The following ABCA7 variants were observed in gnomAD, a reference collection of about 807,000 sequenced individuals.
The protein encoded by ABCA7 is phospholipid-transporting ATPase ABCA7.
In ABCA7, 261 loss-of-function variants were observed where a neutral mutation model predicts 227.6. The ratio of observed to expected loss-of-function variants is 1.15; its 90% confidence interval spans 1.04 to 1.27. ABCA7 has a LOEUF of 1.27. Ranked by LOEUF, ABCA7 falls within the 50% of genes most tolerant of loss-of-function variation. The pLI, the probability that ABCA7 is intolerant of heterozygous loss-of-function variation, is 0.00. For synonymous variants in ABCA7, 1,488 were observed against 1,279.7 expected (o/e 1.16, Z -3.47); for missense variants, 3,331 against 2,924.5 (o/e 1.14, Z -3.21).
chr19:1,057,143 GC>G, intron 34 of ABCA7, 59 bp downstream of exon 34: 4 of 1,576,130 alleles, frequency 2.5e-6, no homozygotes, highest in Non-Finnish European at 3.5e-6. Context: ...GCCCTGTCTG[GC>G]CCCTTGTAGG....
rs770647704 is a variant in ABCA7, at chr19:1,041,859, G to T, written c.189G>T (p.Ser63=). ...ACTTCCCAAACAAGCCACTGCCATC[G>T]GCGGGCACCGTGCCCTGGCTCCAGG... is the stretch of plus-strand genomic sequence containing the variant. ...ECHFPNKPLP[S]AGTVPWLQGL... is the part of the protein sequence containing the mutation. Residue 63 remains serine, a synonymous_variant, in exon 4 of 47, where the codon TCG becomes TCT. Transcript: ENST00000263094. 2 of 1,599,270 alleles carry T rather than the reference G, an allele frequency of 1.3e-6. No individual in the cohort carries two copies. Among genetic ancestry groups the T allele is most frequent in the Non-Finnish European group, 1.7e-6 (2 of 1,177,254 alleles).
chr19:1,058,419 ACAAGAAAGCAGC>A, intron 37 of ABCA7, 150 bp downstream of exon 37: 1 of 1,431,936 alleles, frequency 7.0e-7, no homozygotes, highest in East Asian at 2.5e-5. Flanking sequence ...AGTTGGAGGT[ACAAGAAAGCAGC>A]CATAAAAAGC....
intron 10 of ABCA7, 96 bp downstream of exon 10, chr19:1,043,937 C>CT (rs374000299): frequency 0.16 from 105,025 of 652,304 alleles, 1,309 homozygotes; most frequent in African/African-American, 0.23. Flanking sequence ...CAGACCCCCA[C>CT]TTTTTTTTTT....
Position 1,051,270 on chromosome 19 carries a change from A to T in ABCA7, c.2800A>T (p.Ser934Cys), listed in dbSNP as rs762700589. 3 of 1,606,002 alleles carry T rather than the reference A, an allele frequency of 1.9e-6. No homozygotes were observed. The highest frequency in any genetic ancestry group is 2.2e-5 in the South Asian group (2 of 90,114). ...GGATGTGGGGCTGGTCTCCAAGCAG[A>T]GTGTGCAGACTCGCCACCTCTCTGG... The part of the protein sequence containing the change: ...LQDVGLVSKQ[S>C]VQTRHLSGGM... Residue 934 changes from serine to cysteine, a missense_variant, in exon 20 of 47, where the codon AGT (serine) becomes TGT (cysteine). Transcript: ENST00000263094.
At position 1,053,338 on chromosome 19, in the gene ABCA7, A is replaced by G. The variant is rs1245880932; in HGVS notation, c.3230A>G (p.Gln1077Arg). 6 of 1,608,996 alleles carry G rather than the reference A, an allele frequency of 3.7e-6. No individual in the cohort carries two copies. The highest frequency in any genetic ancestry group is 2.2e-5 in the East Asian group (1 of 44,868). Reference protein sequence around the residue: ...GSQGSRVGTPQLLALVQHWVP... With the variant: ...GSQGSRVGTPRLLALVQHWVP... ...CCCTTTGTCCACACAGGCACTCCTC[A>G]GCTGCTGGCCCTGGTACAGCACTGG... The change falls in exon 24 of 47, where the codon CAG (glutamine) becomes CGG (arginine). Residue 1077 changes from glutamine to arginine, a missense_variant. Transcript: ENST00000263094.
rs2042355036 is a variant in ABCA7, at chr19:1,057,470, C to T, written c.4880+41C>T. The T allele has an allele frequency of 2.6e-6, 4 of 1,546,334 alleles. No homozygotes were observed. In the Admixed American group the frequency reaches 5.0e-5, roughly 19 times the overall value. ...CCTCAGGGCCTATTCTTACTGACCC[C>T]TTACTGCCTTCCACATTAATGCTGC... is the stretch of plus-strand genomic sequence containing the variant. On this transcript the variant is annotated intron_variant, in intron 35 of 46. Transcript: ENST00000263094.
chr19:1,042,427 T>C, intron 6 of ABCA7, 30 bp downstream of exon 6: 3 of 1,609,768 alleles, frequency 1.9e-6, no homozygotes, highest in Non-Finnish European at 2.5e-6. Flanking sequence ...CCGCGCTGAC[T>C]TCCTGGGACA....
chr19:1,058,838 G>C lies in ABCA7; in HGVS notation c.5298G>C (p.Leu1766=), dbSNP rs760105365. The change falls in exon 39 of 47, where the codon CTG becomes CTC. Residue 1766 remains leucine (L), a synonymous_variant. Coordinates refer to ENST00000263094, the MANE Select transcript of ABCA7 (RefSeq NM_019112.4). ...TCCCCAGGCCCAGGGTGAGGTCTCT[G>C]CCACTCCTGGGAGAGGAGGACGAGG... ...QLLPQPRVRS[L]PLLGEEDEDV... is the part of the protein sequence containing the mutation. 3 of 1,577,116 alleles carry C rather than the reference G, an allele frequency of 1.9e-6. No homozygotes were observed. The South Asian group carries it at 3.5e-5, about 18-fold the overall frequency.
intron 40 of ABCA7, 163 bp downstream of exon 40, chr19:1,059,248 A>ATTTAT (rs1555698715): frequency 1.2e-3 from 219 of 178,572 alleles, no homozygotes; most frequent in Middle Eastern, 2.7e-3. Context: ...TTATTATATT[A>ATTTAT]TTATTTATTT....
At position 1,049,253 on chromosome 19, in the gene ABCA7, C is replaced by G. The variant is rs1568299934; in HGVS notation, c.2381-13C>G. 6.3e-7 allele frequency: 1 copy of G among 1,586,230 alleles called. No individual in the cohort carries two copies. Among genetic ancestry groups the G allele is most frequent in the Non-Finnish European group, 8.6e-7 (1 of 1,161,876 alleles). ...CCATGACCTCCATGGCTGAGTCCACCCCATCTCTGCAGTGCTGGTAGAAGA... is the reference window on the plus strand; with the variant it reads ...CCATGACCTCCATGGCTGAGTCCACGCCATCTCTGCAGTGCTGGTAGAAGA... On this transcript the variant is annotated splice_polypyrimidine_tract_variant and intron_variant, in intron 17 of 46. Transcript: ENST00000263094.
intron 13 of ABCA7, 89 bp from the exon 14 acceptor site, chr19:1,046,713 C>A: frequency 7.4e-7 from 1 of 1,357,630 alleles, no homozygotes; most frequent in Non-Finnish European, 1.0e-6. Context: ...CCTTGAGATC[C>A]CGGGACACGA....
chr19:1,058,941 G>T lies in ABCA7; in HGVS notation c.5400+1G>T. The T allele has an allele frequency of 3.7e-6, 6 of 1,608,064 alleles. No individual in the cohort carries two copies. The highest frequency in any genetic ancestry group is 5.1e-6 in the Non-Finnish European group (6 of 1,175,938). On this transcript the variant is annotated splice_donor_variant, in intron 39 of 46. Coordinates refer to ENST00000263094, the MANE Select transcript of ABCA7 (RefSeq NM_019112.4). LOFTEE classifies it high-confidence loss of function. ...GTTGGTGCTGAGGAACTTGACCAAG[G>T]TAGGTGTGGTCAGGTCGACTGCTGG...
Position 1,063,909 on chromosome 19 carries a change from G to C in ABCA7, c.5951+46G>C, listed in dbSNP as rs2042859182. The C allele has an allele frequency of 2.7e-6, 4 of 1,484,258 alleles. No individual in the cohort carries two copies. In the East Asian group the frequency reaches 9.9e-5, roughly 37 times the overall value. The allele number at this position is 1,484,258 out of a possible 1,614,324, so 91.9% of individuals were successfully genotyped here. A position where few individuals can be genotyped will look rare whatever the true frequency, so the allele number is the denominator to read the frequency against. ...CTGGGCTGTGGTTAAGGTGATCCAGGCCTGGAGAGAGAGCCCCAAAGCACA... is the reference window on the plus strand; with the variant it reads ...CTGGGCTGTGGTTAAGGTGATCCAGCCCTGGAGAGAGAGCCCCAAAGCACA... On this transcript the variant is annotated intron_variant, in intron 44 of 46. Coordinates refer to ENST00000263094, the MANE Select transcript of ABCA7 (RefSeq NM_019112.4).
chr19:1,040,277 G>A (rs1019480489), intron 1 of ABCA7, 81 bp downstream of exon 1: 8 of 152,274 alleles, frequency 5.3e-5, no homozygotes, highest in African/African-American at 1.7e-4. Context: ...AGTTCCCTGG[G>A]AATTAGGGGG....
rs1238687093 is a variant in ABCA7, at chr19:1,041,546, CTCT to C, written c.109_111del (p.Phe37del). 7 of 1,613,458 alleles carry C rather than the reference CTCT, an allele frequency of 4.3e-6. No individual in the cohort carries two copies. Among genetic ancestry groups the C allele is most frequent in the African/African-American group, 4.0e-5 (3 of 74,936 alleles). ...GGTCGAATTGCTGTGGCCTCTCTTC[CTCT>C]TCTTCATCCTGGTGGCTGTTCGCCA... On this transcript the variant is annotated inframe_deletion, in exon 3 of 47. Coordinates refer to ENST00000263094, the MANE Select transcript of ABCA7 (RefSeq NM_019112.4).
At position 1,050,937 on chromosome 19, in the gene ABCA7, C is replaced by A; in HGVS notation, c.2569C>A (p.Leu857Ile). ...TATCCACAGGTCCATCTTGAGTGGC[C>A]TCTTCCCACCCAGTGGTGGCTCTGC... ...KTTTLSILSG[L>I]FPPSGGSAFI... Residue 857 changes from leucine to isoleucine, a missense_variant, in exon 19 of 47, where the codon CTC (leucine) becomes ATC (isoleucine). Transcript: ENST00000263094. The A allele has an allele frequency of 6.2e-7, 1 of 1,608,768 alleles. No individual in the cohort carries two copies. Among genetic ancestry groups the A allele is most frequent in the South Asian group, 1.1e-5 (1 of 90,550 alleles).
At position 1,054,445 on chromosome 19, in the gene ABCA7, C is replaced by T; in HGVS notation, c.3726+104C>T. On this transcript the variant is annotated intron_variant, in intron 27 of 46. Transcript: ENST00000263094. The surrounding 1 kb of genome is among the most constrained non-coding windows in gnomAD (Gnocchi z 4.8). ...CAAACCCTTACCCCCGTGTGTATTC[C>T]CAACCCAAAGCACATTTATTGAGGG... 1 of 1,552,416 alleles carries T rather than the reference C, an allele frequency of 6.4e-7. No homozygotes were observed. The highest frequency in any genetic ancestry group is 8.7e-7 in the Non-Finnish European group (1 of 1,150,528).
In ABCA7 at chr19:1,063,775, G is replaced by T; in HGVS notation, c.5863G>T (p.Gly1955Cys). ...AVVFLDEPTT[G>C]MDPSARRFLW... ...TGCTCCCCAGGACGAGCCGACCACAGGCATGGACCCCAGCGCGCGGCGCTT... is the reference window on the plus strand; with the variant it reads ...TGCTCCCCAGGACGAGCCGACCACATGCATGGACCCCAGCGCGCGGCGCTT... Residue 1955 changes from glycine (G) to cysteine (C), a missense_variant, in exon 44 of 47, where the codon GGC (glycine) becomes TGC (cysteine). Coordinates refer to ENST00000263094, the MANE Select transcript of ABCA7 (RefSeq NM_019112.4). 1 of 1,547,840 alleles carries T rather than the reference G, an allele frequency of 6.5e-7. No individual in the cohort carries two copies. Among genetic ancestry groups the T allele is most frequent in the Non-Finnish European group, 8.7e-7 (1 of 1,146,046 alleles).
Position 1,064,457 on chromosome 19 carries a change from C to T in ABCA7, c.6044+204C>T, listed in dbSNP as rs531400720. Among the ~76,000 whole-genome samples, 184 of 152,086 alleles carry T rather than the reference C, an allele frequency of 1.2e-3. 1 individual carries two copies. The highest frequency in any genetic ancestry group is 0.01 in the Middle Eastern group (3 of 294). Reference sequence around the variant, plus strand: ...GGGGCGCAGGACCAGGAGGCGTGAGCCGGGGGCTCTGGGTGGATTTAGAAG... The same window carrying T: ...GGGGCGCAGGACCAGGAGGCGTGAGTCGGGGGCTCTGGGTGGATTTAGAAG... On this transcript the variant is annotated intron_variant, in intron 45 of 46. Transcript: ENST00000263094.
Sources: allele counts gnomAD v4.1 joint callset (sites outside exome capture counted in the v4.1 genomes callset), GRCh38; gene constraint gnomAD v4.1.1; non-coding constraint Gnocchi (gnomAD v3.1); transcripts MANE v1.5; gene names NCBI Gene and HGNC (gene_info 2026-07-23, HGNC 2026-07-21).